Variants in MIDEAS observed in about 807,000 individuals in gnomAD.
MIDEAS encodes mitotic deacetylase associated SANT domain protein, also known as mitotic deacetylase-associated SANT domain protein.
MIDEAS carries 26 observed loss-of-function variants against 102.7 expected under a neutral mutation model. That is an observed-to-expected ratio of 0.25 (90% CI 0.19 to 0.35). The LOEUF (loss-of-function observed/expected upper bound fraction) is 0.35. Among genes scored for constraint, MIDEAS ranks in the 10% least tolerant of loss-of-function variants. The pLI, the probability that MIDEAS is intolerant of heterozygous loss-of-function variation, is 1.00. For synonymous variants in MIDEAS, 585 were observed against 591.0 expected, an observed-to-expected ratio of 0.99 and a Z score of 0.15; for missense variants, 1,231 against 1,435.6, an observed-to-expected ratio of 0.86 and a Z score of 2.30.
intron 1 of MIDEAS, among the ~76,000 whole-genome samples, chr14:73,778,599 C>T (rs2053714083): frequency 6.6e-6 from 1 of 151,890 alleles, no homozygotes; most frequent in Non-Finnish European, 1.5e-5. Flanking sequence ...TATGGGGAGG[C>T]CACAGAGGAA....
Position 73,725,233 on chromosome 14 carries a change from T to TC in MIDEAS, c.2574+38dup. 6.4e-7 allele frequency: 1 copy of TC among 1,562,798 alleles called. No individual in the cohort carries two copies. The highest frequency in any genetic ancestry group is 8.8e-7 in the Non-Finnish European group (1 of 1,133,404). ...GGAGCCCCAAAGTCACACAGGCAGC[T>TC]CCTGGCCCTCATTTGCCCTGAAACA... is the stretch of plus-strand genomic sequence containing the variant. On this transcript the variant is annotated intron_variant, in intron 9 of 12. Coordinates refer to ENST00000423556, the MANE Select transcript of MIDEAS (RefSeq NM_001367710.1). The surrounding 1 kb of genome is among the most constrained non-coding windows in gnomAD (Gnocchi z 4.1).
At chr14:73,787,912 CTG>C (rs1228743824), upstream of MIDEAS, among the ~76,000 whole-genome samples, 1 of 152,190 alleles carries the variant, frequency 6.6e-6, no homozygotes. Flanking sequence ...CTGATGCATT[CTG>C]TGTTTCATCA....
intron 1 of MIDEAS, among the ~76,000 whole-genome samples, chr14:73,757,294 A>AAAAAAAAAAAAAAAAC (rs2053496918): frequency 6.7e-6 from 1 of 150,336 alleles, no homozygotes; most frequent in Non-Finnish European, 1.5e-5. Context: ...AAAAAAAAAA[A>AAAAAAAAAAAAAAAAC]CACTAAACAC....
intron 3 of MIDEAS, among the ~76,000 whole-genome samples, chr14:73,732,439 A>T (rs1272602818): frequency 6.6e-6 from 1 of 152,234 alleles, no homozygotes; most frequent in Non-Finnish European, 1.5e-5. Flanking sequence ...GGCAACTGAG[A>T]GGCTGAGAAA....
At position 73,737,121 on chromosome 14, in the gene MIDEAS, G is replaced by C; in HGVS notation, c.1626C>G (p.Ala542=). ...CGTCCTCATCAAGACCTCCAGCCTG[G>C]GCTGCCTCAGTTGGGTCCACAGTTC... The part of the protein sequence containing the change: ...PVRTVDPTEA[A]QAGGLDEDGK... The change falls in exon 3 of 13, where the codon GCC becomes GCG. Residue 542 remains alanine (A), a synonymous_variant. Transcript: ENST00000423556. 1.2e-6 allele frequency: 2 copies of C among 1,614,170 alleles called. No homozygotes were observed. Among genetic ancestry groups the C allele is most frequent in the Non-Finnish European group, 1.7e-6 (2 of 1,180,022 alleles).
chr14:73,744,065 A>C (rs1346461162), intron 1 of MIDEAS, among the ~76,000 whole-genome samples: 2 of 152,186 alleles, frequency 1.3e-5, no homozygotes, highest in Middle Eastern at 3.4e-3. Flanking sequence ...AAAAAAAATA[A>C]AAAACAGTGC....
At position 73,716,768 on chromosome 14, in the gene MIDEAS, G is replaced by A. The variant is rs1486015851; in HGVS notation, c.*2075C>T. ...AAAAGGGTCTCATATGAATGATGGAGGTTTCTGTTACCGTATGCCCATAAA... is the reference window on the plus strand; with the variant it reads ...AAAAGGGTCTCATATGAATGATGGAAGTTTCTGTTACCGTATGCCCATAAA... On this transcript the variant is annotated 3_prime_UTR_variant, in exon 13 of 13. Transcript: ENST00000423556. 6.6e-6 allele frequency: 1 copy of A among 152,092 alleles called. No homozygotes were observed. The highest frequency in any genetic ancestry group is 6.6e-5 in the Admixed American group (1 of 15,224). 9.4% of individuals were successfully genotyped at this position (152,092 alleles called of 1,614,324 possible).
rs2052874783 is a variant in MIDEAS, at chr14:73,715,648, C to CT, written c.*3194dup. The CT allele has an allele frequency of 6.6e-6, 1 of 152,552 alleles. No individual in the cohort carries two copies. The highest frequency in any genetic ancestry group is 6.5e-5 in the Admixed American group (1 of 15,288). The allele number at this position is 152,552 out of a possible 1,614,324, so 9.4% of individuals were successfully genotyped here. A position where few individuals can be genotyped will look rare whatever the true frequency, so the allele number is the denominator to read the frequency against. On this transcript the variant is annotated 3_prime_UTR_variant, in exon 13 of 13. Coordinates refer to ENST00000423556, the MANE Select transcript of MIDEAS (RefSeq NM_001367710.1). Reference sequence around the variant, plus strand: ...CTTCCTGTAAACCTATGGAGTTAGGCTTGCCAGTCTGATAATAAATACCGT... The same window carrying CT: ...CTTCCTGTAAACCTATGGAGTTAGGCTTTGCCAGTCTGATAATAAATACCGT...
In MIDEAS at chr14:73,718,527, C is replaced by A; in HGVS notation, c.*316G>T. 4.0e-6 allele frequency: 1 copy of A among 247,734 alleles called. No individual in the cohort carries two copies. The highest frequency in any genetic ancestry group is 7.6e-6 in the Non-Finnish European group (1 of 131,062). The allele number at this position is 247,734 out of a possible 1,614,324, so 15.3% of individuals were successfully genotyped here. A position where few individuals can be genotyped will look rare whatever the true frequency, so the allele number is the denominator to read the frequency against. The stretch of plus-strand genomic sequence containing the variant: ...ATAAAGGGAAAAGACTGCGGGGCAG[C>A]AGAGCAGCAGAAATCGGAGTGTGAG... On this transcript the variant is annotated 3_prime_UTR_variant, in exon 13 of 13. Coordinates refer to ENST00000423556, the MANE Select transcript of MIDEAS (RefSeq NM_001367710.1).
chr14:73,744,490 C>T (rs1488671118), intron 1 of MIDEAS, among the ~76,000 whole-genome samples: 1 of 152,222 alleles, frequency 6.6e-6, no homozygotes, highest in Non-Finnish European at 1.5e-5. Flanking sequence ...GAGGCTAATG[C>T]TCCAAGCTCC....
At chr14:73,776,481 C>T (rs1460273675) in intron 1 of MIDEAS, among the ~76,000 whole-genome samples, 3 of 142,416 alleles carry the variant, frequency 2.1e-5, no homozygotes, top group Non-Finnish European at 3.0e-5. Context: ...CCCGGGAATT[C>T]AAGACCAGCC....
intron 1 of MIDEAS, among the ~76,000 whole-genome samples, chr14:73,784,056 C>G (rs570371544): frequency 6.6e-6 from 1 of 152,212 alleles, no homozygotes; most frequent in Non-Finnish European, 1.5e-5. Flanking sequence ...AGTGGCACCT[C>G]GGGGTTTCCG....
At position 73,742,362 on chromosome 14, in the gene MIDEAS, C is replaced by A. The variant is rs1368942170; in HGVS notation, c.-247-2107G>T. On this transcript the variant is annotated intron_variant, in intron 1 of 12. Coordinates refer to ENST00000423556, the MANE Select transcript of MIDEAS (RefSeq NM_001367710.1). This position sits in a 1 kb window ranked among gnomAD's most constrained non-coding sequence, Gnocchi z 4.4. ...CACGTGGCGGGTGGGCCTGGATGCA[C>A]GTGCCAGTGTGAACCTGATGGAGGG... Among the ~76,000 whole-genome samples, 1 of 147,792 alleles carries A rather than the reference C, an allele frequency of 6.8e-6. No individual in the cohort carries two copies. The highest frequency in any genetic ancestry group is 2.7e-5 in the African/African-American group (1 of 37,384).
intron 1 of MIDEAS, among the ~76,000 whole-genome samples, chr14:73,766,850 C>CTTTT (rs1310211553): frequency 1.9e-3 from 232 of 119,668 alleles, no homozygotes; most frequent in African/African-American, 6.5e-3. Context: ...ACTGCCCGGC[C>CTTTT]ATTTTTTTTT....
chr14:73,770,011 A>G (rs1438808321), intron 1 of MIDEAS, among the ~76,000 whole-genome samples: 1 of 150,434 alleles, frequency 6.6e-6, no homozygotes, highest in African/African-American at 2.5e-5. Context: ...TTGGTGGACT[A>G]TATCCCATAA....
At chr14:73,783,430 C>T (rs1042110109) in intron 1 of MIDEAS, among the ~76,000 whole-genome samples, 3 of 152,166 alleles carry the variant, frequency 2.0e-5, no homozygotes, top group Non-Finnish European at 2.9e-5. Context: ...GAGTGGGTCA[C>T]CGGGTCAGAG....
intron 1 of MIDEAS, among the ~76,000 whole-genome samples, chr14:73,769,710 TTC>T (rs2053624791): frequency 6.6e-6 from 1 of 152,124 alleles, no homozygotes; most frequent in African/African-American, 2.4e-5. Flanking sequence ...CAAGCAATTC[TTC>T]TGCCTCAGCC....
chr14:73,733,092 CA>C (rs552722209), intron 3 of MIDEAS, among the ~76,000 whole-genome samples: 14 of 142,956 alleles, frequency 9.8e-5, no homozygotes, highest in African/African-American at 1.0e-4. Context: ...AACCCCGTCT[CA>C]AAAAAAAAAG....
chr14:73,720,008 GT>G (rs948431235), intron 11 of MIDEAS, among the ~76,000 whole-genome samples: 2 of 151,902 alleles, frequency 1.3e-5, no homozygotes, highest in Admixed American at 1.3e-4. Context: ...AAGGGCAGGG[GT>G]CAGAGTGCAG....
Sources: allele counts gnomAD v4.1 joint callset (sites outside exome capture counted in the v4.1 genomes callset), GRCh38; gene constraint gnomAD v4.1.1; non-coding constraint Gnocchi (gnomAD v3.1); transcripts MANE v1.5; gene names NCBI Gene and HGNC (gene_info 2026-07-23, HGNC 2026-07-21).